The following TLK2 variants were observed in gnomAD, a reference collection of about 807,000 sequenced individuals.
TLK2 encodes tousled like kinase 2, also known as serine/threonine-protein kinase tousled-like 2.
A neutral mutation model predicts 117.3 loss-of-function variants in TLK2; 6 were observed. That is an observed-to-expected ratio of 0.05 (90% confidence interval 0.03 to 0.10). The LOEUF (loss-of-function observed/expected upper bound fraction) is 0.10, where lower values mean the gene tolerates loss of function less well. TLK2 is among the 10% of genes least tolerant of loss of function. The probability of loss-of-function intolerance (pLI) is 1.00; values close to 1 mark genes in which losing one functional copy is unlikely to be tolerated. For missense variants in TLK2, 299 were observed against 901.2 expected (o/e 0.33, Z 8.56); for synonymous variants, 257 against 316.7 (o/e 0.81, Z 2.00).
At chr17:62,603,928 T>C (rs1226893974) in intron 19 of TLK2, among the ~76,000 whole-genome samples, 1 of 152,098 alleles carries the variant, frequency 6.6e-6, no homozygotes, top group Non-Finnish European at 1.5e-5. Context: ...TAAGTAACTA[T>C]TTGCAGTATT....
chr17:62,485,877 G>GTGA (rs1404049641), intron 2 of TLK2, among the ~76,000 whole-genome samples: 10 of 146,438 alleles, frequency 6.8e-5, no homozygotes, highest in Admixed American at 2.8e-4. Flanking sequence ...CTGGAGTGCA[G>GTGA]TGATGCAATC....
intron 2 of TLK2, among the ~76,000 whole-genome samples, chr17:62,487,002 TATG>T (rs2072470326): frequency 1.3e-5 from 2 of 152,166 alleles, no homozygotes; most frequent in Admixed American, 6.5e-5. Flanking sequence ...TGCAATGAAA[TATG>T]ATTGCAGGCT....
chr17:62,516,720 A>G, intron 2 of TLK2: 1 of 1,597,126 alleles, frequency 6.3e-7, no homozygotes, highest in Non-Finnish European at 8.6e-7. Context: ...CTCCCTCCTT[A>G]AAAAGGAGTT....
intron 10 of TLK2, 173 bp downstream of exon 10, chr17:62,560,299 GT>G (rs2079163411): frequency 2.4e-6 from 1 of 410,210 alleles, no homozygotes. Context: ...ACCATCCAGA[GT>G]GTTAATTTGG....
At chr17:62,479,850 G>A (rs1243538719) in intron 1 of TLK2, among the ~76,000 whole-genome samples, 2 of 152,254 alleles carry the variant, frequency 1.3e-5, no homozygotes, top group Non-Finnish European at 2.9e-5. Flanking sequence ...AGAGACCTTG[G>A]GGTTTGGGAG....
chr17:62,603,461 A>G (rs1250521266), intron 19 of TLK2, among the ~76,000 whole-genome samples: 2 of 152,220 alleles, frequency 1.3e-5, no homozygotes, highest in Admixed American at 1.3e-4. Context: ...TGGAAATTCT[A>G]GAAACAGGTC....
At chr17:62,551,858 C>T (rs556572409) in intron 7 of TLK2, 178 of 178,480 alleles carry the variant, frequency 1.0e-3, no homozygotes, top group Non-Finnish European at 1.7e-3. Flanking sequence ...GATTTTAGAC[C>T]GCTGTGTGTT....
chr17:62,567,815 G>T (rs559029409), intron 11 of TLK2, among the ~76,000 whole-genome samples: 25 of 151,502 alleles, frequency 1.7e-4, no homozygotes, highest in East Asian at 7.8e-4. Context: ...ATTTTTTTTT[G>T]TTGTTGTTGT....
At chr17:62,556,930 T>C (rs1362722177) in intron 9 of TLK2, among the ~76,000 whole-genome samples, 2 of 152,242 alleles carry the variant, frequency 1.3e-5, no homozygotes, top group African/African-American at 2.4e-5. Flanking sequence ...TTTTATTGTT[T>C]ACATTTTTAT....
At chr17:62,605,789 G>A (rs1598898731) in intron 19 of TLK2, among the ~76,000 whole-genome samples, 1 of 152,124 alleles carries the variant, frequency 6.6e-6, no homozygotes, top group African/African-American at 2.4e-5. Flanking sequence ...AGGATCACTT[G>A]AGTCCAGGAG....
At chr17:62,484,221 C>T (rs559502777) in intron 2 of TLK2, among the ~76,000 whole-genome samples, 139 of 150,466 alleles carry the variant, frequency 9.2e-4, no homozygotes, top group African/African-American at 2.8e-3. Flanking sequence ...TTTTTTTTTT[C>T]CATAACAAAG....
intron 2 of TLK2, among the ~76,000 whole-genome samples, chr17:62,512,914 C>T (rs1035259357): frequency 2.1e-5 from 3 of 146,214 alleles, no homozygotes; most frequent in African/African-American, 5.0e-5. Context: ...GTTTCGCTCT[C>T]GTTGCCCGGG....
At chr17:62,595,616 A>T (rs1338864159) in intron 16 of TLK2, among the ~76,000 whole-genome samples, 3 of 146,886 alleles carry the variant, frequency 2.0e-5, no homozygotes, top group African/African-American at 7.6e-5. Context: ...CTCTTATGGG[A>T]CCCCGTCATA....
intron 2 of TLK2, among the ~76,000 whole-genome samples, chr17:62,517,976 G>C (rs1243703967): frequency 6.6e-6 from 1 of 152,210 alleles, no homozygotes; most frequent in Non-Finnish European, 1.5e-5. Context: ...GGGATTACAG[G>C]CGTGAGCCAT....
intron 7 of TLK2, among the ~76,000 whole-genome samples, chr17:62,546,613 T>TG (rs2077966542): frequency 6.7e-6 from 1 of 149,042 alleles, no homozygotes; most frequent in African/African-American, 2.5e-5. Context: ...TGGAGTGCGG[T>TG]GGCGTGATCT....
intron 15 of TLK2, among the ~76,000 whole-genome samples, chr17:62,582,332 C>T (rs2081282952): frequency 6.6e-6 from 1 of 152,144 alleles, no homozygotes; most frequent in Admixed American, 6.5e-5. Context: ...CTTCACCCCT[C>T]AGTCTTCCAA....
intron 2 of TLK2, among the ~76,000 whole-genome samples, chr17:62,502,881 G>A (rs2074323572): frequency 6.6e-6 from 1 of 152,100 alleles, no homozygotes; most frequent in South Asian, 2.1e-4. Flanking sequence ...AAGGATTAAA[G>A]AACATTAATT....
At chr17:62,570,108 A>G (rs1029751803) in intron 11 of TLK2, among the ~76,000 whole-genome samples, 3 of 152,160 alleles carry the variant, frequency 2.0e-5, no homozygotes, top group African/African-American at 7.2e-5. Flanking sequence ...TTAAGGTCCT[A>G]TCATGTCCAG....
intron 7 of TLK2, chr17:62,550,862 A>AG (rs2078402514): frequency 6.6e-6 from 1 of 152,302 alleles, no homozygotes; most frequent in Non-Finnish European, 1.5e-5. Context: ...TCTGTCACCC[A>AG]GGCTGGAGTG....
Sources: allele counts gnomAD v4.1 joint callset (sites outside exome capture counted in the v4.1 genomes callset), GRCh38; gene constraint gnomAD v4.1.1; transcripts MANE v1.5; gene names NCBI Gene and HGNC (gene_info 2026-07-23, HGNC 2026-07-21).